Variants in HTD2 observed in about 807,000 individuals in gnomAD.
HTD2 encodes the protein hydroxyacyl-thioester dehydratase type 2, mitochondrial.
HTD2 carries 1 observed loss-of-function variant against 3.1 expected under a neutral mutation model. The ratio of observed to expected loss-of-function variants is 0.32; its 90% CI spans 0.11 to 1.52. The LOEUF (loss-of-function observed/expected upper bound fraction) is 1.52. Ranked by LOEUF, HTD2 falls within the 40% of genes most tolerant of loss-of-function variation. The probability of loss-of-function intolerance (pLI) is 0.39; values close to 1 mark genes in which losing one functional copy is unlikely to be tolerated. For missense variants in HTD2, 150 were observed against 79.6 expected, an observed-to-expected ratio of 1.88 and a Z score of -3.36; for synonymous variants, 50 against 28.9, an observed-to-expected ratio of 1.73 and a Z score of -2.34.
At chr3:58,313,701 GAT>G (rs2097484883) in intron 2 of HTD2, among the ~76,000 whole-genome samples, 1 of 152,154 alleles carries the variant, frequency 6.6e-6, no homozygotes, top group African/African-American at 2.4e-5. Flanking sequence ...GGTGTGCACT[GAT>G]AGTCCCAACT....
At chr3:58,310,928 CAA>C (rs35474505) in intron 2 of HTD2, among the ~76,000 whole-genome samples, 3 of 118,954 alleles carry the variant, frequency 2.5e-5, no homozygotes, top group Non-Finnish European at 3.8e-5. Flanking sequence ...GACTCTGTCA[CAA>C]AAAAAAAAAT....
rs140043639 is a variant in HTD2, at chr3:58,314,050, T to C, written c.-330-2465T>C. 8.5e-4 allele frequency among the ~76,000 whole-genome samples: 130 copies of C among 152,188 alleles called. 1 individual carries two copies. The highest frequency in any genetic ancestry group is 1.6e-3 in the Non-Finnish European group (112 of 67,984). ...CAGCCTGGTCAACAGAACAAGACCA[T>C]GTCTCAAAAATAATAACACATGGGG... On this transcript the variant is annotated intron_variant, in intron 2 of 4. Coordinates refer to ENST00000461393, the MANE Select transcript of HTD2 (RefSeq NM_001348712.2).
In HTD2 at chr3:58,310,271, G is replaced by A. The variant is rs1394907080; in HGVS notation, c.-415-236G>A. ...TCATCAAAACTCTGAAAAATAGCAT[G>A]TGCATTGGTCATTTCTAGCCCTCTT... On this transcript the variant is annotated intron_variant, in intron 1 of 4. Transcript: ENST00000461393. The A allele has an allele frequency of 2.1e-5, 31 of 1,468,860 alleles. 1 individual carries two copies. Among genetic ancestry groups the A allele is most frequent in the Admixed American group, 1.1e-4 (6 of 56,750 alleles). The allele number at this position is 1,468,860 out of a possible 1,614,324, so 91.0% of individuals were successfully genotyped here.
At position 58,319,008 on chromosome 3, in the gene HTD2, A is replaced by G. The variant is rs1033718971; in HGVS notation, c.*888A>G. On this transcript the variant is annotated 3_prime_UTR_variant, in exon 5 of 5. Coordinates refer to ENST00000461393, the MANE Select transcript of HTD2 (RefSeq NM_001348712.2). ...ACTCCACCTCAAAAAAAAAAAAAAG[A>G]TTCTACTTTTAGAAATTCAGACCTA... 13 of 151,912 alleles carry G rather than the reference A, an allele frequency of 8.6e-5. No individual in the cohort carries two copies. The highest frequency in any genetic ancestry group is 3.3e-4 in the Admixed American group (5 of 15,230). 9.4% of individuals were successfully genotyped at this position (151,912 alleles called of 1,614,324 possible). A position where few individuals can be genotyped will look rare whatever the true frequency, so the allele number is the denominator to read the frequency against.
In HTD2 at chr3:58,306,531, C is replaced by T. The variant is rs2292679; in HGVS notation, c.-536C>T. 0.28 allele frequency: 41,992 copies of T among 152,196 alleles called. 5,847 individuals carry two copies. The highest frequency in any genetic ancestry group is 0.3 in the African/African-American group (12,441 of 41,524). The allele number at this position is 152,196 out of a possible 1,614,324, so 9.4% of individuals were successfully genotyped here. On this transcript the variant is annotated 5_prime_UTR_variant, in exon 1 of 5. Coordinates refer to ENST00000461393, the MANE Select transcript of HTD2 (RefSeq NM_001348712.2). ...GCCTTGGGTAGCTTGTCCTCTCCGA[C>T]CCCGGGCGCTGAGGGCCTCTGTACG...
chr3:58,311,741 A>T (rs2097482472), intron 2 of HTD2, among the ~76,000 whole-genome samples: 1 of 151,854 alleles, frequency 6.6e-6, no homozygotes, highest in African/African-American at 2.4e-5. Context: ...TGGCTTCCCA[A>T]AGTGCTGGGA....
At chr3:58,312,815 G>A (rs2097483742) in intron 2 of HTD2, among the ~76,000 whole-genome samples, 1 of 152,048 alleles carries the variant, frequency 6.6e-6, no homozygotes, top group African/African-American at 2.4e-5. Flanking sequence ...ACAAAAATTA[G>A]CTGGGCATGG....
At chr3:58,310,196 G>A in intron 1 of HTD2, 1 of 735,108 alleles carries the variant, frequency 1.4e-6, no homozygotes, top group South Asian at 1.7e-5. Context: ...GACAGGGTGA[G>A]ACCCTGCCTT....
At position 58,310,333 on chromosome 3, in the gene HTD2, C is replaced by G. The variant is rs1181120113; in HGVS notation, c.-415-174C>G. On this transcript the variant is annotated intron_variant, in intron 1 of 4. Transcript: ENST00000461393. ...GGTGTGATCAGCACTGGAAAAGATG[C>G]CTGCCCCTGCTGCCACATATGAAAG... 1.1e-5 allele frequency: 18 copies of G among 1,613,850 alleles called. No individual in the cohort carries two copies. The East Asian group carries it at 4.0e-4, about 36-fold the overall frequency.
At chr3:58,310,277 T>C in intron 1 of HTD2, 1 of 1,506,748 alleles carries the variant, frequency 6.6e-7, no homozygotes, top group East Asian at 2.3e-5. Flanking sequence ...GCATGTGCAT[T>C]GGTCATTTCT....
At chr3:58,310,612 T>C (rs764093928) in intron 2 of HTD2, 21 bp downstream of exon 2, 83 of 1,582,960 alleles carry the variant, frequency 5.2e-5, no homozygotes, top group East Asian at 8.9e-5. Flanking sequence ...ACTTGGTAGA[T>C]TGAACATTCC....
intron 3 of HTD2, 56 bp from the exon 4 acceptor site, chr3:58,316,859 A>T (rs17059171): frequency 7.1e-7 from 1 of 1,400,958 alleles, no homozygotes. Context: ...CCTTAGTTGA[A>T]GTTCATTTTG....
intron 2 of HTD2, among the ~76,000 whole-genome samples, chr3:58,312,009 A>G (rs1435930883): frequency 6.6e-6 from 1 of 152,016 alleles, no homozygotes; most frequent in Non-Finnish European, 1.5e-5. Flanking sequence ...AGTAGCTGGG[A>G]CCACAGGCGT....
intron 1 of HTD2, chr3:58,310,207 A>C (rs1342090387): frequency 4.7e-6 from 4 of 846,670 alleles, no homozygotes; most frequent in Non-Finnish European, 3.9e-6. Context: ...ACCCTGCCTT[A>C]AAACAAACAA....
In HTD2 at chr3:58,317,000, A is replaced by T. The variant is rs759978314; in HGVS notation, c.-175+7A>T. On this transcript the variant is annotated splice_region_variant and intron_variant, in intron 4 of 4. Coordinates refer to ENST00000461393, the MANE Select transcript of HTD2 (RefSeq NM_001348712.2). ...TGCTTTCCGGGTGATTCAGGTAAAG[A>T]CTATTCCCTCACATATTCCAAACAA... 6.2e-7 allele frequency: 1 copy of T among 1,606,138 alleles called. No homozygotes were observed. The highest frequency in any genetic ancestry group is 1.1e-5 in the South Asian group (1 of 90,746).
At position 58,310,592 on chromosome 3, in the gene HTD2, G is replaced by GTA. The variant is rs1414265533; in HGVS notation, c.-331+3_-331+4dup. 1 of 1,609,034 alleles carries GTA rather than the reference G, an allele frequency of 6.2e-7. No individual in the cohort carries two copies. Among genetic ancestry groups the GTA allele is most frequent in the East Asian group, 2.2e-5 (1 of 44,852 alleles). On this transcript the variant is annotated splice_donor_variant, in intron 2 of 4. Transcript: ENST00000461393. LOFTEE classifies it low-confidence loss of function (5UTR_SPLICE). The stretch of plus-strand genomic sequence containing the variant: ...GGCTGTGAAGGACCTGTTTGGGGAG[G>GTA]TATGGAATCACTTGGTAGATTGAAC...
Position 58,320,093 on chromosome 3 carries a change from T to G in HTD2, c.*1973T>G, listed in dbSNP as rs1180112597. 3 of 152,268 alleles carry G rather than the reference T, an allele frequency of 2.0e-5. No homozygotes were observed. The highest frequency in any genetic ancestry group is 1.3e-4 in the Admixed American group (2 of 15,286). The allele number at this position is 152,268 out of a possible 1,614,324, so 9.4% of individuals were successfully genotyped here. A position where few individuals can be genotyped will look rare whatever the true frequency, so the allele number is the denominator to read the frequency against. ...AATGTATGATCCTTTGGAACTGGCT[T>G]CTTTGATATAGCATGTTTTCAGGGT... On this transcript the variant is annotated 3_prime_UTR_variant, in exon 5 of 5. Transcript: ENST00000461393.
chr3:58,311,687 A>G (rs2097482405), intron 2 of HTD2, among the ~76,000 whole-genome samples: 1 of 133,734 alleles, frequency 7.5e-6, no homozygotes, highest in African/African-American at 2.7e-5. Context: ...GGAATACAAT[A>G]AATATGAGAG....
intron 3 of HTD2, 63 bp from the exon 4 acceptor site, chr3:58,316,852 T>C: frequency 2.2e-6 from 3 of 1,338,566 alleles, no homozygotes; most frequent in Non-Finnish European, 3.2e-6. Flanking sequence ...TTAGAAACCT[T>C]AGTTGAAGTT....
Sources: allele counts gnomAD v4.1 joint callset (sites outside exome capture counted in the v4.1 genomes callset), GRCh38; gene constraint gnomAD v4.1.1; transcripts MANE v1.5; gene names NCBI Gene and HGNC (gene_info 2026-07-23, HGNC 2026-07-21).